Variants in TAF2 observed in about 807,000 individuals in gnomAD.
The protein encoded by TAF2 is TATA-box binding protein associated factor 2.
A neutral mutation model predicts 138.5 loss-of-function variants in TAF2; 61 were observed. The observed-to-expected ratio is 0.44, with a 90% CI of 0.36 to 0.54. The LOEUF (loss-of-function observed/expected upper bound fraction) is 0.54. Ranked by LOEUF, TAF2 falls within the 20% of genes least tolerant of loss-of-function variation. The pLI, the probability that TAF2 is intolerant of heterozygous loss-of-function variation, is 0.00. For synonymous variants in TAF2, 475 were observed against 469.9 expected, an observed-to-expected ratio of 1.01 and a Z score of -0.14; for missense variants, 1,090 against 1,427.9, an observed-to-expected ratio of 0.76 and a Z score of 3.81.
chr8:119,819,598 C>T, intron 2 of TAF2, 92 bp from the exon 3 acceptor site: 1 of 1,061,240 alleles, frequency 9.4e-7, no homozygotes, highest in South Asian at 1.3e-5. Context: ...ACATATTATA[C>T]TACAGAGACA....
chr8:119,792,653 G>A (rs1225377425), intron 10 of TAF2, among the ~76,000 whole-genome samples: 2 of 152,076 alleles, frequency 1.3e-5, no homozygotes, highest in African/African-American at 2.4e-5. Flanking sequence ...AAACCCCAAC[G>A]CAACAGTCTT....
Position 119,832,755 on chromosome 8 carries a change from C to T in TAF2, c.-191G>A. On this transcript the variant is annotated 5_prime_UTR_variant, in exon 1 of 26. Coordinates refer to ENST00000378164, the MANE Select transcript of TAF2 (RefSeq NM_003184.4). ...CGCTCCTTCGACTAGCTCCTAGAAG[C>T]CGCCGTCGACAAGCTTCTGTCACAG... 2.0e-6 allele frequency: 1 copy of T among 511,320 alleles called. No homozygotes were observed. The highest frequency in any genetic ancestry group is 3.5e-6 in the Non-Finnish European group (1 of 288,622). The allele number at this position is 511,320 out of a possible 1,614,324, so 31.7% of individuals were successfully genotyped here. A position where few individuals can be genotyped will look rare whatever the true frequency, so the allele number is the denominator to read the frequency against.
intron 3 of TAF2, among the ~76,000 whole-genome samples, chr8:119,815,051 C>T (rs1479457755): frequency 6.6e-6 from 1 of 151,344 alleles, no homozygotes; most frequent in Non-Finnish European, 1.5e-5. Context: ...GGCATGATCT[C>T]GAACTCATGA....
At chr8:119,799,151 A>T (rs1342385780) in intron 6 of TAF2, among the ~76,000 whole-genome samples, 2 of 151,646 alleles carry the variant, frequency 1.3e-5, no homozygotes, top group African/African-American at 4.9e-5. Flanking sequence ...ATTTTTTAAA[A>T]TTTTTTTATA....
chr8:119,742,250 T>C (rs757326655), intron 25 of TAF2, among the ~76,000 whole-genome samples: 2 of 152,236 alleles, frequency 1.3e-5, no homozygotes, highest in South Asian at 4.1e-4. Flanking sequence ...AATGGCATTA[T>C]CTTTTAAATT....
At chr8:119,768,363 T>G (rs1821588855) in intron 18 of TAF2, among the ~76,000 whole-genome samples, 1 of 152,234 alleles carries the variant, frequency 6.6e-6, no homozygotes, top group Non-Finnish European at 1.5e-5. Flanking sequence ...CATCATTAAC[T>G]TTTCTCTTCC....
At chr8:119,804,121 G>A in intron 4 of TAF2, 102 bp from the exon 5 acceptor site, 1 of 1,402,056 alleles carries the variant, frequency 7.1e-7, no homozygotes, top group Non-Finnish European at 1.0e-6. Context: ...ATTGAGGACT[G>A]AGATTTATAT....
rs1439027200 is a variant in TAF2 at position 119,746,788 on chromosome 8, T to C, written c.3025A>G (p.Ile1009Val). ...KEKKAVLNPT[I>V]IPESVAGNQE... is the part of the protein sequence containing the mutation. ...TTGCCTGCTACTGACTCTGGAATTA[T>C]GGTAGGATTCAAGACAGCTTTTTTC... The change falls in exon 23 of 26, where the codon ATA (isoleucine) becomes GTA (valine). Residue 1009 changes from isoleucine (I) to valine (V), a missense_variant. Transcript: ENST00000378164. The C allele has an allele frequency of 6.2e-7, 1 of 1,614,184 alleles. No homozygotes were observed. Among genetic ancestry groups the C allele is most frequent in the African/African-American group, 1.3e-5 (1 of 75,052 alleles).
At chr8:119,737,151 CA>C (rs1819275589) in intron 25 of TAF2, among the ~76,000 whole-genome samples, 1 of 152,024 alleles carries the variant, frequency 6.6e-6, no homozygotes, top group African/African-American at 2.4e-5. Context: ...CTGATTTAAA[CA>C]AATAAATTGT....
At chr8:119,770,786 T>C (rs1160255140) in intron 18 of TAF2, among the ~76,000 whole-genome samples, 2 of 152,034 alleles carry the variant, frequency 1.3e-5, no homozygotes, top group Non-Finnish European at 2.9e-5. Flanking sequence ...TTAAAATATA[T>C]AGAGTGGCCA....
chr8:119,788,423 C>T lies in TAF2; in HGVS notation c.1708G>A (p.Glu570Lys). 6.2e-7 allele frequency: 1 copy of T among 1,613,016 alleles called. No individual in the cohort carries two copies. The highest frequency in any genetic ancestry group is 1.1e-5 in the South Asian group (1 of 91,038). ...GTATGATTGAAGGATCCATCTAACT[C>T]CTGCACTGTCACTTTAAGTGGTCCC... The part of the protein sequence containing the change: ...YVGPLKVTVQ[E>K]LDGSFNHTLQ... The change falls in exon 14 of 26, where the codon GAG becomes AAG. Residue 570 changes from glutamate (E) to lysine (K), a missense_variant. Physicochemically the swap from Glu to Lys is moderately conservative, Grantham distance 56. Around this residue, in one of 3 missense-constraint regions of TAF2, gnomAD observed 504 missense variants for 680.9 expected, o/e 0.74. Transcript: ENST00000378164.
chr8:119,784,967 C>A (rs1193245026), intron 15 of TAF2, among the ~76,000 whole-genome samples: 1 of 152,188 alleles, frequency 6.6e-6, no homozygotes, highest in East Asian at 1.9e-4. Flanking sequence ...GTGCTCACCC[C>A]TCAACCATAA....
intron 18 of TAF2, among the ~76,000 whole-genome samples, chr8:119,768,198 G>A (rs1821575685): frequency 1.3e-5 from 2 of 152,124 alleles, no homozygotes; most frequent in South Asian, 4.1e-4. Context: ...TCAACCCTGG[G>A]GTTCCCACCA....
At chr8:119,823,320 T>G (rs1280220409) in intron 2 of TAF2, among the ~76,000 whole-genome samples, 1 of 152,244 alleles carries the variant, frequency 6.6e-6, no homozygotes, top group Non-Finnish European at 1.5e-5. Context: ...ATGTTTGGGC[T>G]GTGTCCCCAC....
In TAF2 at chr8:119,797,799, G is replaced by C. The variant is rs1463010828; in HGVS notation, c.840C>G (p.Thr280=). The part of the protein sequence containing the change: ...LPQLLPLLKH[T]TSYLHEVFEF... ...CAAAGACTTCATGAAGGTATGATGT[G>C]GTATGTTTCAGCAATGGAAGAAGTT... Residue 280 remains threonine, a synonymous_variant, in exon 7 of 26, where the codon ACC becomes ACG. Coordinates refer to ENST00000378164, the MANE Select transcript of TAF2 (RefSeq NM_003184.4). 6.2e-7 allele frequency: 1 copy of C among 1,613,404 alleles called. No homozygotes were observed. The highest frequency in any genetic ancestry group is 1.1e-5 in the South Asian group (1 of 91,038).
At chr8:119,755,455 C>G (rs940012317) in intron 22 of TAF2, among the ~76,000 whole-genome samples, 6 of 152,014 alleles carry the variant, frequency 3.9e-5, no homozygotes, top group Admixed American at 6.6e-5. Flanking sequence ...CGAGGCCACA[C>G]CACTGCACTC....
chr8:119,744,632 TA>T, intron 23 of TAF2: 1 of 523,620 alleles, frequency 1.9e-6, no homozygotes, highest in East Asian at 3.5e-5. Flanking sequence ...AATCTACTCC[TA>T]TTTTGTGAGA....
intron 5 of TAF2, 138 bp downstream of exon 5, chr8:119,803,738 CAG>C (rs1212314748): frequency 9.6e-6 from 8 of 834,214 alleles, no homozygotes; most frequent in African/African-American, 1.8e-5. Context: ...GAATGACTAA[CAG>C]AAAGTAATTT....
chr8:119,823,211 A>G (rs931841111), intron 2 of TAF2, among the ~76,000 whole-genome samples: 2 of 152,184 alleles, frequency 1.3e-5, no homozygotes, highest in African/African-American at 4.8e-5. Flanking sequence ...TTCAAAAGAG[A>G]AATTCTTGAA....
Sources: gnomAD v4.1 joint callset for allele counts (sites outside exome capture counted in the v4.1 genomes callset) on GRCh38, gnomAD v4.1.1 for gene constraint, gnomAD v4.1.1 regional missense constraint, MANE v1.5 for transcripts, NCBI Gene and HGNC (gene_info 2026-07-23, HGNC 2026-07-21) for gene names.